The following CAMK2D variants were observed in gnomAD, a reference collection of about 807,000 sequenced individuals.
CAMK2D encodes the protein calcium/calmodulin dependent protein kinase II delta.
In CAMK2D, 37 loss-of-function variants were observed where a neutral mutation model predicts 84.0. The observed-to-expected ratio is 0.44, with a 90% confidence interval of 0.34 to 0.58. The LOEUF (loss-of-function observed/expected upper bound fraction) is 0.58, where lower values mean the gene tolerates loss of function less well. CAMK2D is among the 20% of genes least tolerant of loss of function. The probability of loss-of-function intolerance (pLI) is 0.02; values close to 1 mark genes in which losing one functional copy is unlikely to be tolerated. For synonymous variants in CAMK2D, 202 were observed against 212.5 expected, an observed-to-expected ratio of 0.95 and a Z score of 0.43; for missense variants, 448 against 652.5, an observed-to-expected ratio of 0.69 and a Z score of 3.41.
In CAMK2D at chr4:113,454,086, TAAAAAA is replaced by T. The variant is rs34145709; in HGVS notation, c.*453_*458del. The T allele has an allele frequency of 7.6e-6, 1 of 131,276 alleles. No individual in the cohort carries two copies. Among genetic ancestry groups the T allele is most frequent in the South Asian group, 2.4e-4 (1 of 4,140 alleles). 8.1% of individuals were successfully genotyped at this position (131,276 alleles called of 1,614,324 possible). On this transcript the variant is annotated 3_prime_UTR_variant, in exon 21 of 21. Transcript: ENST00000511664. Reference sequence around the variant, plus strand: ...CTGAAGGTGTATTTTTTTTTTACCTTAAAAAAAAAAAAAAAAACCAAACAAACCAAA... The same window carrying T: ...CTGAAGGTGTATTTTTTTTTTACCTTAAAAAAAAAAACCAAACAAACCAAA...
intron 3 of CAMK2D, among the ~76,000 whole-genome samples, chr4:113,658,949 G>A (rs2099214927): frequency 6.6e-6 from 1 of 152,168 alleles, no homozygotes; most frequent in Admixed American, 6.5e-5. Context: ...TATGACATTT[G>A]GCTGTTATGG....
chr4:113,491,551 T>A (rs2097844263), intron 16 of CAMK2D, among the ~76,000 whole-genome samples: 1 of 152,000 alleles, frequency 6.6e-6, no homozygotes. Context: ...TTGCCAGTAT[T>A]TTATTGAGGA....
intron 3 of CAMK2D, among the ~76,000 whole-genome samples, chr4:113,651,786 A>G (rs2099173885): frequency 6.6e-6 from 1 of 152,196 alleles, no homozygotes; most frequent in Non-Finnish European, 1.5e-5. Flanking sequence ...GAGAAAAGTA[A>G]AAGACTGTCT....
intron 16 of CAMK2D, among the ~76,000 whole-genome samples, chr4:113,480,484 C>T (rs139247901): frequency 2.0e-5 from 3 of 152,062 alleles, no homozygotes; most frequent in Non-Finnish European, 2.9e-5. Flanking sequence ...TAATACCAAA[C>T]ATTGATGGTA....
intron 2 of CAMK2D, among the ~76,000 whole-genome samples, chr4:113,691,119 A>G (rs541168132): frequency 6.6e-6 from 1 of 152,300 alleles, no homozygotes; most frequent in African/African-American, 2.4e-5. Context: ...ACAGCAATTC[A>G]CCACCATCAC....
chr4:113,724,784 T>G (rs971443756), intron 2 of CAMK2D, among the ~76,000 whole-genome samples: 8 of 151,998 alleles, frequency 5.3e-5, no homozygotes, highest in Admixed American at 1.3e-4. Flanking sequence ...TTAGATAATA[T>G]CTTTTTTCCT....
chr4:113,646,215 T>C (rs2099151314), intron 3 of CAMK2D, among the ~76,000 whole-genome samples: 1 of 152,194 alleles, frequency 6.6e-6, no homozygotes, highest in Non-Finnish European at 1.5e-5. Context: ...TTTGTTCCTC[T>C]TCAGATAATC....
Position 113,462,316 on chromosome 4 carries a change from C to G in CAMK2D, c.1212-2075G>C, listed in dbSNP as rs4833428. ...TGTGTCTGTCTGTCTGTCTGTCTGTCTGTCTGTCTGTCTGTCTGTCTGTCT... is the reference window on the plus strand; with the variant it reads ...TGTGTCTGTCTGTCTGTCTGTCTGTGTGTCTGTCTGTCTGTCTGTCTGTCT... On this transcript the variant is annotated intron_variant, in intron 17 of 20. Transcript: ENST00000511664. 3.2e-3 allele frequency among the ~76,000 whole-genome samples: 385 copies of G among 122,066 alleles called. 3 individuals carry two copies. The highest frequency in any genetic ancestry group is 7.5e-3 in the African/African-American group (270 of 36,234). The allele number at this position is 122,066 out of a possible 152,430, so 80.1% of individuals were successfully genotyped here.
chr4:113,561,709 G>A (rs899629231), intron 4 of CAMK2D, among the ~76,000 whole-genome samples: 3 of 152,316 alleles, frequency 2.0e-5, no homozygotes, highest in African/African-American at 7.2e-5. Flanking sequence ...CTGAAGGGAT[G>A]TCTGAGATAG....
chr4:113,572,630 T>A (rs1234992131), intron 4 of CAMK2D, among the ~76,000 whole-genome samples: 2 of 152,026 alleles, frequency 1.3e-5, no homozygotes, highest in African/African-American at 4.8e-5. Context: ...AGTCAAAAAA[T>A]AACAGATGCT....
At chr4:113,454,629 G>T (rs2097283355) in intron 20 of CAMK2D, 114 bp from the exon 21 acceptor site, 1 of 684,706 alleles carries the variant, frequency 1.5e-6, no homozygotes, top group Non-Finnish European at 2.7e-6. Flanking sequence ...CTAACAAATA[G>T]ATTGAAAACA....
At chr4:113,646,977 T>C (rs2099154559) in intron 3 of CAMK2D, among the ~76,000 whole-genome samples, 1 of 152,256 alleles carries the variant, frequency 6.6e-6, no homozygotes, top group South Asian at 2.1e-4. Context: ...TAATGTTTTC[T>C]AGTTTACCGA....
intron 7 of CAMK2D, among the ~76,000 whole-genome samples, chr4:113,535,035 T>C (rs2098480395): frequency 6.6e-6 from 1 of 152,208 alleles, no homozygotes; most frequent in Non-Finnish European, 1.5e-5. Context: ...CCAACATTCT[T>C]GTAATCATCA....
chr4:113,547,173 T>A (rs1376752768), intron 6 of CAMK2D, among the ~76,000 whole-genome samples: 1 of 152,140 alleles, frequency 6.6e-6, no homozygotes, highest in African/African-American at 2.4e-5. Context: ...ATGTCAGAAT[T>A]CAAAATGAGG....
At chr4:113,457,089 C>A in intron 19 of CAMK2D, 1 of 846,832 alleles carries the variant, frequency 1.2e-6, no homozygotes. Flanking sequence ...AGATTTTGAT[C>A]ACGTAGTCTC....
intron 3 of CAMK2D, among the ~76,000 whole-genome samples, chr4:113,639,911 C>G (rs568550453): frequency 6.6e-6 from 1 of 152,126 alleles, no homozygotes; most frequent in African/African-American, 2.4e-5. Context: ...TTAAAAAACC[C>G]CATTCTTCAT....
chr4:113,495,350 G>T (rs1332980290), intron 16 of CAMK2D, among the ~76,000 whole-genome samples: 5 of 152,194 alleles, frequency 3.3e-5, no homozygotes, highest in Admixed American at 6.5e-5. Flanking sequence ...TTTTCTGGAA[G>T]TGAGAAATGT....
chr4:113,681,448 G>A (rs2099345697), intron 2 of CAMK2D, among the ~76,000 whole-genome samples: 1 of 152,140 alleles, frequency 6.6e-6, no homozygotes, highest in Admixed American at 6.5e-5. Context: ...CACCATGATT[G>A]TAAGTTTCCT....
chr4:113,720,131 A>G (rs2099525945), intron 2 of CAMK2D, among the ~76,000 whole-genome samples: 1 of 152,054 alleles, frequency 6.6e-6, no homozygotes, highest in African/African-American at 2.4e-5. Flanking sequence ...CAGTTCTCAG[A>G]TAATATTAAT....
Sources: allele counts gnomAD v4.1 joint callset (sites outside exome capture counted in the v4.1 genomes callset), GRCh38; gene constraint gnomAD v4.1.1; transcripts MANE v1.5; gene names NCBI Gene and HGNC (gene_info 2026-07-23, HGNC 2026-07-21).